Variants in FBXL7 observed in about 807,000 individuals in gnomAD.
FBXL7 encodes F-box/LRR-repeat protein 7.
In FBXL7, 12 loss-of-function variants were observed where a neutral mutation model predicts 38.3. The observed-to-expected ratio is 0.31, with a 90% CI of 0.20 to 0.51. FBXL7 has a LOEUF of 0.51. Among genes scored for constraint, FBXL7 ranks in the 20% least tolerant of loss-of-function variants. FBXL7 has a pLI of 0.98. For missense variants in FBXL7, 567 were observed against 676.4 expected (o/e 0.84, Z 1.79); for synonymous variants, 297 against 300.9 (o/e 0.99, Z 0.13).
At chr5:15,754,886 C>T (rs554811430) in intron 2 of FBXL7, among the ~76,000 whole-genome samples, 3 of 152,230 alleles carry the variant, frequency 2.0e-5, no homozygotes, top group South Asian at 2.1e-4. Context: ...AGTTCCTGCT[C>T]AACACAGGAC....
intron 2 of FBXL7, among the ~76,000 whole-genome samples, chr5:15,637,611 T>C (rs1260761012): frequency 4.6e-5 from 7 of 152,208 alleles, no homozygotes; most frequent in Admixed American, 4.6e-4. Flanking sequence ...ATTGGTTACT[T>C]TGTGCCAGGC....
rs528710723 is a variant in FBXL7, at chr5:15,863,436, G to A, written c.128-64454G>A. On this transcript the variant is annotated intron_variant, in intron 2 of 3. Transcript: ENST00000504595. ...ATAAATCAAGGCAGGAATTTGACAGGTACCAGTCTGATGTGATCCACGTGG... is the reference window on the plus strand; with the variant it reads ...ATAAATCAAGGCAGGAATTTGACAGATACCAGTCTGATGTGATCCACGTGG... Among the ~76,000 whole-genome samples the A allele has an allele frequency of 5.3e-5, 8 of 152,254 alleles. No individual in the cohort carries two copies. In the South Asian group the frequency reaches 1.7e-3, roughly 32 times the overall value.
At chr5:15,711,785 A>C (rs1743884688) in intron 2 of FBXL7, among the ~76,000 whole-genome samples, 1 of 152,226 alleles carries the variant, frequency 6.6e-6, no homozygotes, top group Non-Finnish European at 1.5e-5. Flanking sequence ...ATCTCAAAGA[A>C]TCAAAATTCC....
intron 2 of FBXL7, among the ~76,000 whole-genome samples, chr5:15,872,026 G>A (rs1236986969): frequency 1.3e-5 from 2 of 152,088 alleles, no homozygotes; most frequent in Non-Finnish European, 2.9e-5. Flanking sequence ...AATGTTAAGG[G>A]CAGCCAGAGA....
intron 2 of FBXL7, among the ~76,000 whole-genome samples, chr5:15,870,399 G>T (rs1329284464): frequency 6.6e-6 from 1 of 152,100 alleles, no homozygotes; most frequent in African/African-American, 2.4e-5. Context: ...GGCACTGCTG[G>T]AGCATTTGAA....
intron 1 of FBXL7, among the ~76,000 whole-genome samples, chr5:15,553,925 A>C (rs1222672762): frequency 1.3e-5 from 2 of 151,822 alleles, no homozygotes; most frequent in African/African-American, 4.8e-5. Flanking sequence ...TTGTTTCTTT[A>C]TGTTTGTCTT....
intron 2 of FBXL7, among the ~76,000 whole-genome samples, chr5:15,727,240 C>T (rs1735432100): frequency 6.6e-6 from 1 of 151,960 alleles, no homozygotes; most frequent in African/African-American, 2.4e-5. Context: ...GGAGTTATAT[C>T]TCATTGTTAC....
intron 2 of FBXL7, among the ~76,000 whole-genome samples, chr5:15,676,682 C>T (rs571491875): frequency 2.6e-5 from 4 of 152,160 alleles, no homozygotes; most frequent in Non-Finnish European, 5.9e-5. Context: ...CTTTGGGCTC[C>T]AATTACAAGA....
At chr5:15,695,500 G>A (rs565528311) in intron 2 of FBXL7, among the ~76,000 whole-genome samples, 2 of 152,232 alleles carry the variant, frequency 1.3e-5, no homozygotes, top group Admixed American at 6.5e-5. Context: ...GAAAACAAGT[G>A]CCCCTTCTAA....
intron 2 of FBXL7, among the ~76,000 whole-genome samples, chr5:15,683,450 T>A (rs1742915088): frequency 6.6e-6 from 1 of 152,190 alleles, no homozygotes; most frequent in Non-Finnish European, 1.5e-5. Context: ...TGCCAAGATT[T>A]CTGCCTAAGT....
intron 2 of FBXL7, among the ~76,000 whole-genome samples, chr5:15,797,112 C>A (rs1375254566): frequency 6.6e-6 from 1 of 152,170 alleles, no homozygotes; most frequent in East Asian, 1.9e-4. Context: ...AGCTGAGTGA[C>A]CATCTTGGCT....
At chr5:15,566,941 G>A (rs1004832229) in intron 1 of FBXL7, among the ~76,000 whole-genome samples, 3 of 152,120 alleles carry the variant, frequency 2.0e-5, no homozygotes, top group African/African-American at 7.2e-5. Flanking sequence ...CTCCCAGTTA[G>A]ACAGTGAGTC....
At chr5:15,732,035 T>G (rs1010489942) in intron 2 of FBXL7, among the ~76,000 whole-genome samples, 4 of 152,218 alleles carry the variant, frequency 2.6e-5, no homozygotes, top group Non-Finnish European at 5.9e-5. Flanking sequence ...TGTTCCATTT[T>G]CCTTTGGTGA....
intron 2 of FBXL7, among the ~76,000 whole-genome samples, chr5:15,748,455 A>G (rs1485519295): frequency 6.6e-6 from 1 of 152,170 alleles, no homozygotes; most frequent in Non-Finnish European, 1.5e-5. Context: ...TTTCCCCCAT[A>G]CTGTTCTCCT....
At chr5:15,830,485 AACACACACACACACAC>A (rs57825713) in intron 2 of FBXL7, among the ~76,000 whole-genome samples, 45 of 144,300 alleles carry the variant, frequency 3.1e-4, no homozygotes, top group African/African-American at 9.3e-4. Context: ...CTCCATCTAA[AACACACACACACACAC>A]ACACACACAC....
At chr5:15,560,501 T>C (rs550338489) in intron 1 of FBXL7, among the ~76,000 whole-genome samples, 1 of 152,324 alleles carries the variant, frequency 6.6e-6, no homozygotes, top group Non-Finnish European at 1.5e-5. Flanking sequence ...CATGTGTCTC[T>C]GTCTCAGAGT....
chr5:15,526,022 C>A (rs1043606157), intron 1 of FBXL7, among the ~76,000 whole-genome samples: 5 of 148,290 alleles, frequency 3.4e-5, no homozygotes, highest in Admixed American at 6.8e-5. Context: ...TGTTCTGTGT[C>A]CTTGTTGAAA....
intron 2 of FBXL7, among the ~76,000 whole-genome samples, chr5:15,777,572 A>G (rs1579454225): frequency 6.6e-6 from 1 of 151,982 alleles, no homozygotes; most frequent in East Asian, 1.9e-4. Context: ...ATAAAATATT[A>G]TCCACATGGC....
intron 2 of FBXL7, among the ~76,000 whole-genome samples, chr5:15,816,426 G>A (rs1267793188): frequency 6.6e-6 from 1 of 152,146 alleles, no homozygotes; most frequent in East Asian, 1.9e-4. Flanking sequence ...ACTTACAAGT[G>A]GGAGCTAAGC....
Sources: gnomAD v4.1 joint callset for allele counts (sites outside exome capture counted in the v4.1 genomes callset) on GRCh38, gnomAD v4.1.1 for gene constraint, MANE v1.5 for transcripts, NCBI Gene and HGNC (gene_info 2026-07-23, HGNC 2026-07-21) for gene names.